The following SLIT3 variants were observed in gnomAD, a reference collection of about 807,000 sequenced individuals.
The protein encoded by SLIT3 is slit guidance ligand 3, also known as slit homolog 3 protein.
Under a neutral mutation model 184.0 loss-of-function variants are expected in SLIT3, and 68 were observed. That is an observed-to-expected ratio of 0.37 (90% CI 0.30 to 0.45). The LOEUF (loss-of-function observed/expected upper bound fraction) is 0.45, where lower values mean the gene tolerates loss of function less well. SLIT3 is among the 20% of genes least tolerant of loss of function. The pLI is 1.00. For missense variants in SLIT3, 1,707 were observed against 2,026.0 expected, an observed-to-expected ratio of 0.84 and a Z score of 3.02; for synonymous variants, 831 against 828.6, an observed-to-expected ratio of 1.00 and a Z score of -0.05.
intron 6 of SLIT3, among the ~76,000 whole-genome samples, chr5:168,832,187 C>T (rs1331255419): frequency 6.6e-6 from 1 of 152,214 alleles, no homozygotes; most frequent in African/African-American, 2.4e-5. Flanking sequence ...AGACCATGGA[C>T]AGTCTTGACT....
chr5:169,023,163 T>C (rs1378644495), intron 4 of SLIT3, among the ~76,000 whole-genome samples: 4 of 152,150 alleles, frequency 2.6e-5, no homozygotes, highest in Non-Finnish European at 5.9e-5. Flanking sequence ...AGGAATTGCA[T>C]GAGTGTGTAC....
intron 4 of SLIT3, among the ~76,000 whole-genome samples, chr5:168,985,193 A>G (rs1485112593): frequency 6.6e-6 from 1 of 152,200 alleles, no homozygotes; most frequent in Admixed American, 6.5e-5. Flanking sequence ...TGGGTGGGGA[A>G]TTAAACTGAA....
intron 4 of SLIT3, among the ~76,000 whole-genome samples, chr5:169,016,806 A>G (rs887150569): frequency 6.6e-6 from 1 of 152,220 alleles, no homozygotes; most frequent in Admixed American, 6.5e-5. Context: ...TTAAAAAATT[A>G]TGTAAAGCAC....
intron 4 of SLIT3, among the ~76,000 whole-genome samples, chr5:169,153,971 C>CTTTT (rs1177389865): frequency 7.4e-6 from 1 of 134,854 alleles, no homozygotes; most frequent in African/African-American, 2.8e-5. Flanking sequence ...TGCTCCCAGC[C>CTTTT]TTTTTTTTTT....
At chr5:169,012,537 C>T (rs1363643100) in intron 4 of SLIT3, 2 of 152,144 alleles carry the variant, frequency 1.3e-5, no homozygotes, top group African/African-American at 4.8e-5. Context: ...TTAAGGGCCT[C>T]GTTAAAATTT....
intron 17 of SLIT3, among the ~76,000 whole-genome samples, chr5:168,753,500 G>A (rs543977477): frequency 1.0e-3 from 157 of 152,344 alleles, no homozygotes; most frequent in African/African-American, 1.7e-3. Flanking sequence ...CATGTTGCAC[G>A]TGTCTGCATA....
chr5:168,892,480 C>T (rs1760504377), intron 4 of SLIT3, among the ~76,000 whole-genome samples: 3 of 152,204 alleles, frequency 2.0e-5, no homozygotes, highest in Admixed American at 2.0e-4. Context: ...ATCTAAGGAG[C>T]CCGATACAAG....
chr5:169,286,379 T>C (rs1490507718), intron 1 of SLIT3, among the ~76,000 whole-genome samples: 4 of 152,184 alleles, frequency 2.6e-5, no homozygotes, highest in Non-Finnish European at 5.9e-5. Flanking sequence ...ATTTGAGCCT[T>C]AATCAAGGAC....
At chr5:168,854,998 G>A (rs1344769070) in intron 5 of SLIT3, among the ~76,000 whole-genome samples, 2 of 152,208 alleles carry the variant, frequency 1.3e-5, no homozygotes, top group African/African-American at 4.8e-5. Context: ...AAATACTCTA[G>A]AAGAGGCCAG....
At chr5:169,012,419 T>C (rs1483939703) in intron 4 of SLIT3, 1 of 152,200 alleles carries the variant, frequency 6.6e-6, no homozygotes. Context: ...GCCTGAACTG[T>C]GAAAGGTCAG....
intron 4 of SLIT3, among the ~76,000 whole-genome samples, chr5:169,078,483 T>C (rs886265988): frequency 3.3e-5 from 5 of 152,026 alleles, no homozygotes; most frequent in African/African-American, 1.2e-4. Context: ...CAAGCAGAAA[T>C]CACAGACCCG....
intron 20 of SLIT3, among the ~76,000 whole-genome samples, chr5:168,727,327 A>G (rs1763163435): frequency 6.6e-6 from 1 of 152,140 alleles, no homozygotes; most frequent in Middle Eastern, 3.2e-3. Context: ...CTCAAAAAAA[A>G]AGAAAAAGAA....
chr5:169,093,968 A>C (rs375599262), intron 4 of SLIT3, among the ~76,000 whole-genome samples: 63 of 152,240 alleles, frequency 4.1e-4, no homozygotes, highest in African/African-American at 1.4e-3. Context: ...TTAAGAGTAT[A>C]CTATGTTCCT....
chr5:169,255,654 C>T (rs1436714422), intron 1 of SLIT3, among the ~76,000 whole-genome samples: 2 of 152,064 alleles, frequency 1.3e-5, no homozygotes, highest in Non-Finnish European at 2.9e-5. Context: ...GAGGCCAAGC[C>T]GGGCGGATCA....
chr5:168,809,160 T>C (rs552888096), intron 8 of SLIT3, among the ~76,000 whole-genome samples: 81 of 152,300 alleles, frequency 5.3e-4, no homozygotes, highest in African/African-American at 1.7e-3. Context: ...AGTACCCCTT[T>C]CTGACTTCCA....
rs1276381586 is a variant in SLIT3 at position 168,748,380 on chromosome 5, C to T, written c.2192G>A (p.Cys731Tyr). 6 of 1,519,040 alleles carry T rather than the reference C, an allele frequency of 3.9e-6. No individual in the cohort carries two copies. In the East Asian group the frequency reaches 1.6e-4, roughly 40 times the overall value. The allele number at this position is 1,519,040 out of a possible 1,614,324, so 94.1% of individuals were successfully genotyped here. A position where few individuals can be genotyped will look rare whatever the true frequency, so the allele number is the denominator to read the frequency against. ...LSPRCPEQCTCMETVVRCSNK... is the reference protein window; with the variant it reads ...LSPRCPEQCTYMETVVRCSNK... ...GCTGCATCGCACCACTGTCTCCATA[C>T]AGGTGCACTGCTCCGGGCAGCGCGG... Residue 731 changes from cysteine (C) to tyrosine (Y), a missense_variant, in exon 20 of 36, where the codon TGT becomes TAT. Cys to Tyr is a radical substitution (Grantham distance 194, BLOSUM62 -2). Coordinates refer to ENST00000519560, the MANE Select transcript of SLIT3 (RefSeq NM_003062.4).
At chr5:169,290,003 T>C (rs964831316) in intron 1 of SLIT3, among the ~76,000 whole-genome samples, 5 of 151,274 alleles carry the variant, frequency 3.3e-5, no homozygotes, top group African/African-American at 9.7e-5. Flanking sequence ...GGGCATACAC[T>C]AGGGCACACA....
At chr5:168,823,590 C>T (rs974303691) in intron 6 of SLIT3, among the ~76,000 whole-genome samples, 3 of 152,144 alleles carry the variant, frequency 2.0e-5, no homozygotes, top group South Asian at 4.1e-4. Context: ...GTAAGAGTAT[C>T]GCTTCCTGAA....
In SLIT3 at chr5:168,947,363, C is replaced by T. The variant is rs527634370; in HGVS notation, c.414-64027G>A. On this transcript the variant is annotated intron_variant, in intron 4 of 35. Transcript: ENST00000519560. ...ACTCTGGGATGTTCCCTGGGTCCCTCGGGAGCTGCAGGGAGAGCCACCGTC... is the reference window on the plus strand; with the variant it reads ...ACTCTGGGATGTTCCCTGGGTCCCTTGGGAGCTGCAGGGAGAGCCACCGTC... 1.8e-4 allele frequency among the ~76,000 whole-genome samples: 28 copies of T among 152,242 alleles called. 1 individual carries two copies. The South Asian group carries it at 4.6e-3, about 25-fold the overall frequency.
Sources: allele counts gnomAD v4.1 joint callset (sites outside exome capture counted in the v4.1 genomes callset), GRCh38; gene constraint gnomAD v4.1.1; transcripts MANE v1.5; gene names NCBI Gene and HGNC (gene_info 2026-07-23, HGNC 2026-07-21).